The following SESN1 variants were observed in gnomAD, a reference collection of about 807,000 sequenced individuals.
The protein encoded by SESN1 is sestrin 1.
A neutral mutation model predicts 59.3 loss-of-function variants in SESN1; 30 were observed. That is an observed-to-expected ratio of 0.51 (90% CI 0.38 to 0.69). The LOEUF (loss-of-function observed/expected upper bound fraction) is 0.69. Ranked by LOEUF, SESN1 falls within the 30% of genes least tolerant of loss-of-function variation. SESN1 has a pLI of 0.00. For missense variants in SESN1, 566 were observed against 673.0 expected (o/e 0.84, Z 1.76); for synonymous variants, 197 against 219.9 (o/e 0.90, Z 0.92).
At chr6:109,010,462 A>G (rs1185113596) in intron 1 of SESN1, among the ~76,000 whole-genome samples, 1 of 152,252 alleles carries the variant, frequency 6.6e-6, no homozygotes, top group Non-Finnish European at 1.5e-5. Context: ...AAGTTGGAAC[A>G]TTCTGACAAG....
intron 1 of SESN1, among the ~76,000 whole-genome samples, chr6:109,038,828 G>A (rs1005325579): frequency 6.6e-6 from 1 of 151,770 alleles, no homozygotes; most frequent in Non-Finnish European, 1.5e-5. Flanking sequence ...GACGGCAATT[G>A]GGGCAGAAAG....
intron 1 of SESN1, among the ~76,000 whole-genome samples, chr6:109,077,104 A>G (rs1289674300): frequency 2.0e-5 from 3 of 152,206 alleles, no homozygotes; most frequent in Non-Finnish European, 4.4e-5. Context: ...TAGAAAAAGT[A>G]CAGTAAAAAT....
chr6:109,081,041 CA>C (rs35855960), intron 1 of SESN1, among the ~76,000 whole-genome samples: 110 of 145,738 alleles, frequency 7.5e-4, no homozygotes, highest in Non-Finnish European at 7.4e-4. Context: ...TTCCAAAATC[CA>C]AAAAAAAAAA....
chr6:109,048,346 A>T (rs966064309), intron 1 of SESN1, among the ~76,000 whole-genome samples: 4 of 152,122 alleles, frequency 2.6e-5, no homozygotes, highest in South Asian at 4.2e-4. Context: ...TCCCTTGTTT[A>T]CTTGTCTTGA....
At chr6:109,010,298 G>T (rs1477820447) in intron 1 of SESN1, among the ~76,000 whole-genome samples, 1 of 152,132 alleles carries the variant, frequency 6.6e-6, no homozygotes. Context: ...ACATTGTTGG[G>T]CCCAGAACCC....
chr6:109,017,718 TTAAA>T (rs1158668025), intron 1 of SESN1, among the ~76,000 whole-genome samples: 1 of 152,184 alleles, frequency 6.6e-6, no homozygotes, highest in Non-Finnish European at 1.5e-5. Flanking sequence ...TTAGGAAGCA[TTAAA>T]TAGAGGGTCA....
chr6:108,994,633 T>C, intron 5 of SESN1, 24 bp from the exon 6 acceptor site: 1 of 1,595,374 alleles, frequency 6.3e-7, no homozygotes, highest in Non-Finnish European at 8.6e-7. Context: ...ACAATTAATG[T>C]TACATGTGGC....
chr6:109,093,699 C>T (rs1214340732), intron 1 of SESN1, 96 bp downstream of exon 1: 1 of 1,250,200 alleles, frequency 8.0e-7, no homozygotes, highest in Non-Finnish European at 1.1e-6. Context: ...TAAAAGTTTA[C>T]ATAACAACCT....
At chr6:109,077,694 G>T (rs888759033) in intron 1 of SESN1, among the ~76,000 whole-genome samples, 3 of 152,150 alleles carry the variant, frequency 2.0e-5, no homozygotes, top group African/African-American at 7.2e-5. Context: ...TTCTCAATGA[G>T]AATGCCTAGG....
chr6:109,074,562 T>C (rs1340312754), intron 1 of SESN1, among the ~76,000 whole-genome samples: 1 of 152,178 alleles, frequency 6.6e-6, no homozygotes, highest in Non-Finnish European at 1.5e-5. Context: ...AGAATTATGG[T>C]TTATAAAGTG....
At chr6:109,054,597 G>A (rs534644828) in intron 1 of SESN1, among the ~76,000 whole-genome samples, 3 of 152,086 alleles carry the variant, frequency 2.0e-5, no homozygotes, top group Non-Finnish European at 2.9e-5. Context: ...AATCTACTAA[G>A]ATAGTAGGCA....
At chr6:109,046,728 C>T (rs1780447279) in intron 1 of SESN1, among the ~76,000 whole-genome samples, 1 of 135,344 alleles carries the variant, frequency 7.4e-6, no homozygotes, top group African/African-American at 2.7e-5. Context: ...AGCGCCTCTG[C>T]CCCGCCGCCC....
chr6:109,093,361 C>A (rs906596916), intron 1 of SESN1, among the ~76,000 whole-genome samples: 1 of 152,002 alleles, frequency 6.6e-6, no homozygotes, highest in African/African-American at 2.4e-5. Context: ...GAGAACACAT[C>A]CTGGTTTGTT....
Position 108,984,418 on chromosome 6 carries a change from T to C in SESN1, c.*3126A>G, listed in dbSNP as rs1205752749. On this transcript the variant is annotated 3_prime_UTR_variant, in exon 10 of 10. Transcript: ENST00000436639. ...TTTCTTCCTCACAGATGGCACACTCTAGCTGTGTCCTTTCATGGTAGAAGG... is the reference window on the plus strand; with the variant it reads ...TTTCTTCCTCACAGATGGCACACTCCAGCTGTGTCCTTTCATGGTAGAAGG... Among the ~76,000 whole-genome samples the C allele has an allele frequency of 6.6e-6, 1 of 152,180 alleles. No homozygotes were observed. The highest frequency in any genetic ancestry group is 1.5e-5 in the Non-Finnish European group (1 of 68,038).
At chr6:109,084,917 C>T (rs943619174) in intron 1 of SESN1, among the ~76,000 whole-genome samples, 1 of 151,824 alleles carries the variant, frequency 6.6e-6, no homozygotes, top group Non-Finnish European at 1.5e-5. Flanking sequence ...TGAGTCTACT[C>T]GTAATAGACA....
rs185222037 is a variant in SESN1, at chr6:108,997,557, G to A, written c.972+956C>T. On this transcript the variant is annotated intron_variant, in intron 5 of 9. Transcript: ENST00000436639. ...TTATTTAGCACCTGACAAATGCTAA[G>A]TGCTGTACTTGGCATTTTACTTCTT... Among the ~76,000 whole-genome samples, 238 of 152,300 alleles carry A rather than the reference G, an allele frequency of 1.6e-3. 1 individual carries two copies. The highest frequency in any genetic ancestry group is 2.8e-3 in the Non-Finnish European group (190 of 68,014).
chr6:108,988,527 C>T lies in SESN1; in HGVS notation c.1569+16G>A. The T allele has an allele frequency of 1.3e-6, 2 of 1,584,982 alleles. No individual in the cohort carries two copies. The highest frequency in any genetic ancestry group is 1.7e-6 in the Non-Finnish European group (2 of 1,168,390). Reference sequence around the variant, plus strand: ...TTGCTAAGTTACAAAGTAAATAAGCCACAATAGGCACATACCTTCTCAGAG... The same window carrying T: ...TTGCTAAGTTACAAAGTAAATAAGCTACAATAGGCACATACCTTCTCAGAG... On this transcript the variant is annotated intron_variant, in intron 9 of 9. Coordinates refer to ENST00000436639, the MANE Select transcript of SESN1 (RefSeq NM_014454.3).
chr6:109,049,204 AAAG>A, intron 1 of SESN1, among the ~76,000 whole-genome samples: 1 of 152,368 alleles, frequency 6.6e-6, no homozygotes, highest in East Asian at 1.9e-4. Context: ...CAGCCATAAA[AAAG>A]AAGGAATCCT....
At chr6:109,059,998 T>C (rs1286078513) in intron 1 of SESN1, among the ~76,000 whole-genome samples, 1 of 152,132 alleles carries the variant, frequency 6.6e-6, no homozygotes, top group Non-Finnish European at 1.5e-5. Flanking sequence ...TTGACCTACT[T>C]TAGTTTTCTA....
Sources: gnomAD v4.1 joint callset for allele counts (sites outside exome capture counted in the v4.1 genomes callset) on GRCh38, gnomAD v4.1.1 for gene constraint, MANE v1.5 for transcripts, NCBI Gene and HGNC (gene_info 2026-07-23, HGNC 2026-07-21) for gene names.